RABGAP1L: variants seen among roughly 807,000 people sequenced by gnomAD.
RABGAP1L encodes the protein RAB GTPase activating protein 1 like.
In RABGAP1L, 63 loss-of-function variants were observed where a neutral mutation model predicts 137.7. The ratio of observed to expected loss-of-function variants is 0.46; its 90% CI spans 0.37 to 0.56. RABGAP1L has a LOEUF of 0.56. RABGAP1L is among the 20% of genes least tolerant of loss of function. The pLI, the probability that RABGAP1L is intolerant of heterozygous loss-of-function variation, is 0.00. For synonymous variants in RABGAP1L, 431 were observed against 433.7 expected (o/e 0.99, Z 0.08); for missense variants, 1,095 against 1,244.0 (o/e 0.88, Z 1.80).
intron 17 of RABGAP1L, among the ~76,000 whole-genome samples, chr1:174,703,422 C>CT (rs759228840): frequency 1.4e-4 from 21 of 151,996 alleles, no homozygotes; most frequent in Middle Eastern, 3.4e-3. Flanking sequence ...TGATTTTACT[C>CT]TTTTTTTTGG....
chr1:174,208,329 A>C (rs572922785), intron 1 of RABGAP1L, among the ~76,000 whole-genome samples: 1 of 152,050 alleles, frequency 6.6e-6, no homozygotes, highest in East Asian at 1.9e-4. Context: ...CTGTAAATAA[A>C]GACAGTTTGA....
Position 174,792,629 on chromosome 1 carries a change from A to G in RABGAP1L, c.2212-19203A>G, listed in dbSNP as rs575489939. ...AGTGATAATGGTTTCACAAGTGTAT[A>G]CTTATGGCAAAGTACATCAAATTAT... On this transcript the variant is annotated intron_variant, in intron 18 of 25. Transcript: ENST00000681986. Among the ~76,000 whole-genome samples the G allele has an allele frequency of 2.1e-4, 32 of 152,372 alleles. No homozygotes were observed. The South Asian group carries it at 6.4e-3, about 31-fold the overall frequency.
chr1:174,619,943 G>T (rs903221498), intron 13 of RABGAP1L, among the ~76,000 whole-genome samples: 1 of 152,084 alleles, frequency 6.6e-6, no homozygotes, highest in South Asian at 2.1e-4. Flanking sequence ...GACGGAGGAA[G>T]ATCTACCAAG....
At chr1:174,603,727 G>A (rs112322027) in intron 13 of RABGAP1L, among the ~76,000 whole-genome samples, 41 of 151,988 alleles carry the variant, frequency 2.7e-4, no homozygotes, top group African/African-American at 9.4e-4. Flanking sequence ...CTACCGCCTG[G>A]TTACAACTGA....
intron 11 of RABGAP1L, among the ~76,000 whole-genome samples, chr1:174,318,636 T>TTTCTTTC (rs1558128042): frequency 2.4e-5 from 3 of 125,572 alleles, no homozygotes; most frequent in South Asian, 2.5e-4. Flanking sequence ...TTCTTTCTTT[T>TTTCTTTC]TCTTTCTTTT....
chr1:174,494,012 ATAATT>A (rs536028390), intron 13 of RABGAP1L, among the ~76,000 whole-genome samples: 3 of 152,164 alleles, frequency 2.0e-5, no homozygotes. Flanking sequence ...TTTCAAACAA[ATAATT>A]TTATTTTTTC....
intron 19 of RABGAP1L, among the ~76,000 whole-genome samples, chr1:174,823,349 G>A (rs748497144): frequency 1.3e-5 from 2 of 152,086 alleles, no homozygotes; most frequent in Non-Finnish European, 2.9e-5. Context: ...TCACTATTGG[G>A]AACAGCAGTA....
intron 11 of RABGAP1L, among the ~76,000 whole-genome samples, chr1:174,356,716 T>C (rs544954814): frequency 6.6e-6 from 1 of 152,262 alleles, no homozygotes; most frequent in African/African-American, 2.4e-5. Flanking sequence ...CACAATTAGC[T>C]ACTGATCTCT....
intron 13 of RABGAP1L, among the ~76,000 whole-genome samples, chr1:174,465,167 A>G (rs1006706649): frequency 1.2e-4 from 18 of 152,172 alleles, no homozygotes; most frequent in African/African-American, 4.3e-4. Flanking sequence ...TTATTTCTTT[A>G]ACACATTGCT....
chr1:174,904,825 T>C (rs774034078), intron 19 of RABGAP1L, among the ~76,000 whole-genome samples: 6 of 151,842 alleles, frequency 4.0e-5, no homozygotes, highest in Non-Finnish European at 7.4e-5. Context: ...ATTTTTAAAA[T>C]TTGTTTGTAG....
At position 174,325,952 on chromosome 1, in the gene RABGAP1L, G is replaced by T. The variant is rs532600550; in HGVS notation, c.1465+20825G>T. Among the ~76,000 whole-genome samples, 30 of 152,326 alleles carry T rather than the reference G, an allele frequency of 2.0e-4. 1 individual carries two copies. The highest frequency in any genetic ancestry group is 1.9e-3 in the Admixed American group (29 of 15,306). ...TAGGGGCCCTTCAGGGACCTTCCGTGGGTCTATCCTTTGCATCAGTGACAG... is the reference window on the plus strand; with the variant it reads ...TAGGGGCCCTTCAGGGACCTTCCGTTGGTCTATCCTTTGCATCAGTGACAG... On this transcript the variant is annotated intron_variant, in intron 11 of 25. Coordinates refer to ENST00000681986, the MANE Select transcript of RABGAP1L (RefSeq NM_001366446.1).
chr1:174,167,989 G>A (rs1364057034), intron 1 of RABGAP1L, among the ~76,000 whole-genome samples: 1 of 152,074 alleles, frequency 6.6e-6, no homozygotes, highest in African/African-American at 2.4e-5. Flanking sequence ...TGATGGCCGG[G>A]GGTGGTGGCC....
intron 18 of RABGAP1L, among the ~76,000 whole-genome samples, chr1:174,764,588 A>C (rs1029272712): frequency 2.6e-5 from 4 of 152,100 alleles, no homozygotes; most frequent in African/African-American, 9.7e-5. Flanking sequence ...TCCTTAGCCA[A>C]AGGGTGAGGC....
intron 13 of RABGAP1L, 26 bp from the exon 14 acceptor site, chr1:174,637,349 C>G (rs1435728297): frequency 1.3e-6 from 2 of 1,488,706 alleles, no homozygotes; most frequent in Non-Finnish European, 1.9e-6. Context: ...AATTTAATAA[C>G]CAGGTCTATT....
At chr1:174,495,120 T>C (rs986307418) in intron 13 of RABGAP1L, among the ~76,000 whole-genome samples, 2 of 152,142 alleles carry the variant, frequency 1.3e-5, no homozygotes, top group African/African-American at 2.4e-5. Context: ...ATAATGAGTG[T>C]TTGCCCTAGT....
intron 19 of RABGAP1L, among the ~76,000 whole-genome samples, chr1:174,883,398 A>T (rs544089305): frequency 6.6e-6 from 1 of 152,354 alleles, no homozygotes; most frequent in South Asian, 2.1e-4. Context: ...GGATGAATAG[A>T]TAAGGCACCC....
chr1:174,576,823 G>A (rs1241280903), intron 13 of RABGAP1L, among the ~76,000 whole-genome samples: 4 of 152,100 alleles, frequency 2.6e-5, no homozygotes, highest in Non-Finnish European at 5.9e-5. Flanking sequence ...TCATGGATCT[G>A]TAAAGGTTAT....
At chr1:174,632,713 G>A (rs1452997628) in intron 13 of RABGAP1L, among the ~76,000 whole-genome samples, 28 of 146,072 alleles carry the variant, frequency 1.9e-4, no homozygotes, top group Admixed American at 6.8e-4. Flanking sequence ...CATTCTTCAC[G>A]TAGTTCTCGA....
chr1:174,943,921 A>G (rs1358111726), intron 19 of RABGAP1L, among the ~76,000 whole-genome samples: 1 of 152,216 alleles, frequency 6.6e-6, no homozygotes, highest in Non-Finnish European at 1.5e-5. Context: ...CCTGCTACAT[A>G]GTAAATAGTA....
Sources: allele counts gnomAD v4.1 joint callset (sites outside exome capture counted in the v4.1 genomes callset), GRCh38; gene constraint gnomAD v4.1.1; transcripts MANE v1.5; gene names NCBI Gene and HGNC (gene_info 2026-07-23, HGNC 2026-07-21).